The following MACROD2 variants were observed in gnomAD, a reference collection of about 807,000 sequenced individuals.
MACROD2 encodes mono-ADP ribosylhydrolase 2, also known as ADP-ribose glycohydrolase MACROD2.
In MACROD2, 36 loss-of-function variants were observed where a neutral mutation model predicts 70.4. The ratio of observed to expected loss-of-function variants is 0.51; its 90% confidence interval spans 0.39 to 0.68. MACROD2 has a LOEUF of 0.68. MACROD2 is among the 30% of genes least tolerant of loss of function. The probability of loss-of-function intolerance (pLI) is 0.00; values close to 1 mark genes in which losing one functional copy is unlikely to be tolerated. For synonymous variants in MACROD2, 172 were observed against 178.8 expected (o/e 0.96, Z 0.30); for missense variants, 496 against 538.4 (o/e 0.92, Z 0.78).
At chr20:14,981,021 A>AGTGTGTGTGTGT (rs11468972) in intron 5 of MACROD2, among the ~76,000 whole-genome samples, 102 of 143,748 alleles carry the variant, frequency 7.1e-4, no homozygotes, top group African/African-American at 2.3e-3. Flanking sequence ...TACAAAAAGA[A>AGTGTGTGTGTGT]GTGTGTGTGT....
At chr20:14,546,891 T>C (rs931560389) in intron 4 of MACROD2, among the ~76,000 whole-genome samples, 1 of 152,166 alleles carries the variant, frequency 6.6e-6, no homozygotes, top group African/African-American at 2.4e-5. Flanking sequence ...CAGTGTTAGC[T>C]TATAGTAGGT....
chr20:14,566,141 A>G lies in MACROD2; in HGVS notation c.301+72633A>G, dbSNP rs556384627. Among the ~76,000 whole-genome samples, 22 of 152,150 alleles carry G rather than the reference A, an allele frequency of 1.4e-4. No homozygotes were observed. In the East Asian group the frequency reaches 3.5e-3, roughly 24 times the overall value. ...TGTGATAAATATAGGTTTATTTTCC[A>G]TAATATACAAAGAGTTCCTACAAAA... On this transcript the variant is annotated intron_variant, in intron 4 of 17. Coordinates refer to ENST00000684519, the MANE Select transcript of MACROD2 (RefSeq NM_001351661.2).
chr20:15,946,292 C>T (rs924471712), intron 12 of MACROD2, among the ~76,000 whole-genome samples: 1 of 152,138 alleles, frequency 6.6e-6, no homozygotes, highest in African/African-American at 2.4e-5. Context: ...GATCATTTTT[C>T]AGAGTCACTC....
intron 5 of MACROD2, among the ~76,000 whole-genome samples, chr20:14,866,282 T>C (rs1378424517): frequency 6.6e-6 from 1 of 152,128 alleles, no homozygotes; most frequent in Non-Finnish European, 1.5e-5. Flanking sequence ...CTGTAGGAGC[T>C]ATCAGAGCAA....
At chr20:14,761,430 C>T (rs879463816) in intron 5 of MACROD2, among the ~76,000 whole-genome samples, 7 of 152,068 alleles carry the variant, frequency 4.6e-5, no homozygotes, top group Admixed American at 4.6e-4. Context: ...ATTTGATTGC[C>T]AGCATCATAC....
intron 15 of MACROD2, among the ~76,000 whole-genome samples, chr20:16,014,091 G>A (rs1023014091): frequency 6.6e-6 from 1 of 152,170 alleles, no homozygotes; most frequent in African/African-American, 2.4e-5. Flanking sequence ...GTTTCTTTTA[G>A]AATAGAAAGT....
At chr20:15,630,778 T>C (rs1163193888) in intron 8 of MACROD2, among the ~76,000 whole-genome samples, 2 of 152,252 alleles carry the variant, frequency 1.3e-5, no homozygotes, top group African/African-American at 2.4e-5. Flanking sequence ...CGCTAAGTTC[T>C]CACCTCAGGG....
chr20:14,845,289 A>G (rs552203489), intron 5 of MACROD2, among the ~76,000 whole-genome samples: 6 of 152,252 alleles, frequency 3.9e-5, no homozygotes, highest in South Asian at 2.1e-4. Flanking sequence ...TGATATTAAT[A>G]TATTGGAGTC....
chr20:14,755,381 A>C (rs1207231270), intron 5 of MACROD2, among the ~76,000 whole-genome samples: 1 of 152,074 alleles, frequency 6.6e-6, no homozygotes, highest in Non-Finnish European at 1.5e-5. Flanking sequence ...TGCCTCATGT[A>C]CTTTAGAATG....
At chr20:15,323,420 A>T (rs2077893548) in intron 6 of MACROD2, among the ~76,000 whole-genome samples, 1 of 152,144 alleles carries the variant, frequency 6.6e-6, no homozygotes, top group South Asian at 2.1e-4. Context: ...GATATATTTG[A>T]TTTTCCTTTC....
chr20:14,533,909 G>A (rs2085335028), intron 4 of MACROD2, among the ~76,000 whole-genome samples: 1 of 152,154 alleles, frequency 6.6e-6, no homozygotes, highest in East Asian at 1.9e-4. Flanking sequence ...ACGCTTTAAT[G>A]TGTCCACATG....
chr20:14,257,452 G>GT (rs1246696477), intron 3 of MACROD2, among the ~76,000 whole-genome samples: 4 of 151,722 alleles, frequency 2.6e-5, no homozygotes, highest in African/African-American at 4.8e-5. Flanking sequence ...TAGTTACCAG[G>GT]TTTTTTTAAA....
chr20:14,666,871 G>A (rs1341334120), intron 4 of MACROD2, among the ~76,000 whole-genome samples: 2 of 151,572 alleles, frequency 1.3e-5, no homozygotes, highest in African/African-American at 2.4e-5. Context: ...GCTTTTTATC[G>A]CATTATAACT....
intron 5 of MACROD2, among the ~76,000 whole-genome samples, chr20:14,936,859 C>G (rs1348034075): frequency 2.6e-5 from 4 of 152,104 alleles, no homozygotes; most frequent in African/African-American, 9.7e-5. Flanking sequence ...ATGCTCTTCT[C>G]CATGTCAGCT....
At chr20:14,898,808 T>C (rs2073861163) in intron 5 of MACROD2, among the ~76,000 whole-genome samples, 2 of 152,150 alleles carry the variant, frequency 1.3e-5, no homozygotes, top group Non-Finnish European at 2.9e-5. Flanking sequence ...ACCAGTTCTC[T>C]AACTGCCTAA....
At chr20:14,354,155 A>G (rs2083150995) in intron 3 of MACROD2, among the ~76,000 whole-genome samples, 1 of 152,168 alleles carries the variant, frequency 6.6e-6, no homozygotes. Context: ...TTAGATATTT[A>G]TAGACCCTTA....
intron 6 of MACROD2, among the ~76,000 whole-genome samples, chr20:15,284,218 C>A (rs187170558): frequency 5.3e-5 from 8 of 152,190 alleles, no homozygotes; most frequent in African/African-American, 1.4e-4. Flanking sequence ...AGCCTCCCTC[C>A]CTGTATCATC....
In MACROD2 at chr20:14,199,271, A is replaced by C. The variant is rs137941699; in HGVS notation, c.271+113543A>C. ...TGTCTTTGTTGTACGTCGGTGAGTG[A>C]CAAGGGTTCTGCACTTAGAGCTTTT... is the stretch of plus-strand genomic sequence containing the variant. On this transcript the variant is annotated intron_variant, in intron 3 of 17. Coordinates refer to ENST00000684519, the MANE Select transcript of MACROD2 (RefSeq NM_001351661.2). Among the ~76,000 whole-genome samples, 127 of 152,354 alleles carry C rather than the reference A, an allele frequency of 8.3e-4. 1 individual carries two copies. The East Asian group carries it at 0.023, about 28-fold the overall frequency.
At chr20:15,103,302 C>T (rs1489033752) in intron 5 of MACROD2, among the ~76,000 whole-genome samples, 1 of 152,124 alleles carries the variant, frequency 6.6e-6, no homozygotes, top group African/African-American at 2.4e-5. Context: ...CCAGGTATTA[C>T]ATGTAGACTT....
Sources: allele counts gnomAD v4.1 joint callset (sites outside exome capture counted in the v4.1 genomes callset), GRCh38; gene constraint gnomAD v4.1.1; transcripts MANE v1.5; gene names NCBI Gene and HGNC (gene_info 2026-07-23, HGNC 2026-07-21).